Variants in NANOG observed in about 807,000 individuals in gnomAD.
NANOG encodes homeobox protein NANOG.
NANOG carries 2 observed loss-of-function variants against 17.7 expected under a neutral mutation model. That is an observed-to-expected ratio of 0.11 (90% CI 0.05 to 0.36). The LOEUF (loss-of-function observed/expected upper bound fraction) is 0.36. Among genes scored for constraint, NANOG ranks in the 10% least tolerant of loss-of-function variants. The pLI, the probability that NANOG is intolerant of heterozygous loss-of-function variation, is 1.00. For missense variants in NANOG, 174 were observed against 362.1 expected, an observed-to-expected ratio of 0.48 and a Z score of 4.22; for synonymous variants, 81 against 124.7, an observed-to-expected ratio of 0.65 and a Z score of 2.33.
intron 2 of NANOG, among the ~76,000 whole-genome samples, 159 bp from the exon 3 acceptor site, chr12:7,794,298 C>T (rs2120572669): frequency 6.6e-6 from 1 of 152,252 alleles, no homozygotes; most frequent in East Asian, 1.9e-4. Context: ...GTAGCGAACT[C>T]CTGGGCTCAA....
chr12:7,792,650 G>C (rs115487949), intron 1 of NANOG, among the ~76,000 whole-genome samples: 3,684 of 151,982 alleles, frequency 0.024, 130 homozygotes, highest in African/African-American at 0.083. Context: ...GGCAACAAGA[G>C]TGAACCTCCA....
At position 7,795,542 on chromosome 12, in the gene NANOG, C is replaced by CG. The variant is rs1565478224; in HGVS notation, c.*448dup. On this transcript the variant is annotated 3_prime_UTR_variant, in exon 4 of 4. Transcript: ENST00000229307. ...TTCACTGTGTTAGCCAGGATGGTCT[C>CG]GATCTCCTGACCTTGTGATCCACCC... The CG allele has an allele frequency of 1.2e-5, 1 of 86,334 alleles. No individual in the cohort carries two copies. Among genetic ancestry groups the CG allele is most frequent in the Admixed American group, 1.1e-4 (1 of 9,012 alleles). The allele number at this position is 86,334 out of a possible 1,614,324, so 5.3% of individuals were successfully genotyped here.
chr12:7,789,430 G>T lies in NANOG; in HGVS notation c.-185G>T. ...AATCTAGAGACTCCAGGATTTTAAC[G>T]TTCTGCTGGACTGAGCTGGTTGCCT... is the stretch of plus-strand genomic sequence containing the variant. On this transcript the variant is annotated 5_prime_UTR_variant, in exon 1 of 4. Transcript: ENST00000229307. The T allele has an allele frequency of 3.3e-6, 2 of 600,238 alleles. No individual in the cohort carries two copies. Among genetic ancestry groups the T allele is most frequent in the Non-Finnish European group, 5.9e-6 (2 of 339,588 alleles). 37.2% of individuals were successfully genotyped at this position (600,238 alleles called of 1,614,324 possible).
chr12:7,794,516 G>A lies in NANOG; in HGVS notation c.474G>A (p.Trp158Ter). 1 of 1,613,608 alleles carries A rather than the reference G, an allele frequency of 6.2e-7. No individual in the cohort carries two copies. Among genetic ancestry groups the A allele is most frequent in the Non-Finnish European group, 8.5e-7 (1 of 1,179,754 alleles). ...CTAAGAGGTGGCAGAAAAACAACTG[G>A]CCGAAGAATAGCAATGGTGTGACGC... The part of the protein sequence containing the change: ...MKSKRWQKNN[W>*]PKNSNGVTQK... Residue 158 changes from tryptophan to a stop codon, truncating the protein, a stop_gained, in exon 3 of 4, where the codon TGG becomes TGA. Transcript: ENST00000229307. LOFTEE classifies it low-confidence loss of function (END_TRUNC).
In NANOG at chr12:7,798,833, G is replaced by A. The variant is rs1862961720; in HGVS notation, c.*3738G>A. The A allele has an allele frequency of 1.9e-5, 2 of 107,552 alleles. No individual in the cohort carries two copies. Among genetic ancestry groups the A allele is most frequent in the South Asian group, 3.9e-4 (1 of 2,536 alleles). The allele number at this position is 107,552 out of a possible 1,614,324, so 6.7% of individuals were successfully genotyped here. ...GCAAACAACTGCCAGACAGAGGCAG[G>A]AAAGTGGGGGAGAGCCCTTGGTAAA... is the stretch of plus-strand genomic sequence containing the variant. On this transcript the variant is annotated 3_prime_UTR_variant, in exon 4 of 4. Transcript: ENST00000229307.
chr12:7,789,417 C>A lies in NANOG; in HGVS notation c.-198C>A. The A allele has an allele frequency of 6.8e-6, 4 of 591,362 alleles. 1 individual carries two copies. The South Asian group carries it at 8.4e-5, about 12-fold the overall frequency. 36.6% of individuals were successfully genotyped at this position (591,362 alleles called of 1,614,324 possible). ...AGCCTTCATTATAAATCTAGAGACTCCAGGATTTTAACGTTCTGCTGGACT... is the reference window on the plus strand; with the variant it reads ...AGCCTTCATTATAAATCTAGAGACTACAGGATTTTAACGTTCTGCTGGACT... On this transcript the variant is annotated 5_prime_UTR_variant, in exon 1 of 4. Transcript: ENST00000229307.
chr12:7,790,276 T>A (rs1862822028), intron 1 of NANOG, among the ~76,000 whole-genome samples: 1 of 152,384 alleles, frequency 6.6e-6, no homozygotes, highest in Admixed American at 6.5e-5. Context: ...CAGTAACGGC[T>A]GTCTCTTCTC....
In NANOG at chr12:7,793,500, T is replaced by C. The variant is rs114493334; in HGVS notation, c.414+288T>C. On this transcript the variant is annotated intron_variant, in intron 2 of 3. Transcript: ENST00000229307. ...TAAAAAAGAAGTATCTAACTCCACTTACCAGGGTAGGAGAAACCCTAACTC... is the reference window on the plus strand; with the variant it reads ...TAAAAAAGAAGTATCTAACTCCACTCACCAGGGTAGGAGAAACCCTAACTC... Among the ~76,000 whole-genome samples, 283 of 152,344 alleles carry C rather than the reference T, an allele frequency of 1.9e-3. 1 individual carries two copies. Among genetic ancestry groups the C allele is most frequent in the African/African-American group, 5.7e-3 (238 of 41,588 alleles).
At chr12:7,794,411 C>A (rs760716992) in intron 2 of NANOG, 46 bp from the exon 3 acceptor site, 2 of 1,507,918 alleles carry the variant, frequency 1.3e-6, no homozygotes, top group African/African-American at 1.4e-5. Context: ...TTCAAAGTAC[C>A]TCTGTATTAT....
intron 1 of NANOG, among the ~76,000 whole-genome samples, chr12:7,792,170 C>T (rs1230149776): frequency 1.3e-5 from 2 of 152,192 alleles, no homozygotes; most frequent in African/African-American, 2.4e-5. Context: ...GTTGGGATTA[C>T]AGGCATGAGC....
chr12:7,794,079 T>G (rs1214193897), intron 2 of NANOG, among the ~76,000 whole-genome samples: 1 of 152,058 alleles, frequency 6.6e-6, no homozygotes, highest in Non-Finnish European at 1.5e-5. Context: ...TGTTCATTTC[T>G]CTCTTTTTTT....
intron 1 of NANOG, among the ~76,000 whole-genome samples, chr12:7,790,905 G>A (rs1163356230): frequency 6.6e-6 from 1 of 151,924 alleles, no homozygotes; most frequent in Non-Finnish European, 1.5e-5. Flanking sequence ...ACTATGCCCA[G>A]CTAATTAAAA....
Position 7,789,747 on chromosome 12 carries a change from A to T in NANOG, c.133A>T (p.Met45Leu), listed in dbSNP as rs1438911722. 6.2e-7 allele frequency: 1 copy of T among 1,613,848 alleles called. No homozygotes were observed. The highest frequency in any genetic ancestry group is 1.3e-5 in the African/African-American group (1 of 74,940). ...ATCCTTGCAAATGTCTTCTGCTGAG[A>T]TGCCTCACACGGAGACTGGTAAGAA... Reference protein sequence around the residue: ...YPSLQMSSAEMPHTETVSPLP... With the variant: ...YPSLQMSSAELPHTETVSPLP... Residue 45 changes from methionine to leucine, a missense_variant, in exon 1 of 4, where the codon ATG becomes TTG. By Grantham distance (15) the Met-to-Leu change is conservative. Coordinates refer to ENST00000229307, the MANE Select transcript of NANOG (RefSeq NM_024865.4).
rs1456185546 is a variant in NANOG, at chr12:7,798,285, G to GAT, written c.*3192_*3193dup. 2 of 152,326 alleles carry GAT rather than the reference G, an allele frequency of 1.3e-5. No individual in the cohort carries two copies. The highest frequency in any genetic ancestry group is 1.9e-4 in the East Asian group (1 of 5,178). The allele number at this position is 152,326 out of a possible 1,614,324, so 9.4% of individuals were successfully genotyped here. A position where few individuals can be genotyped will look rare whatever the true frequency, so the allele number is the denominator to read the frequency against. On this transcript the variant is annotated 3_prime_UTR_variant, in exon 4 of 4. Coordinates refer to ENST00000229307, the MANE Select transcript of NANOG (RefSeq NM_024865.4). ...TCAGCTACTTGGAAGGCGGAGGCAGGATAATCACTTGAACCCGGGAGGTTG... is the reference window on the plus strand; with the variant it reads ...TCAGCTACTTGGAAGGCGGAGGCAGGATATAATCACTTGAACCCGGGAGGTTG...
rs1862937354 is a variant in NANOG, at chr12:7,796,762, GT to G, written c.*1671del. The G allele has an allele frequency of 1.4e-5, 1 of 72,416 alleles. No individual in the cohort carries two copies. The highest frequency in any genetic ancestry group is 3.3e-5 in the Non-Finnish European group (1 of 29,926). 4.5% of individuals were successfully genotyped at this position (72,416 alleles called of 1,614,324 possible). A position where few individuals can be genotyped will look rare whatever the true frequency, so the allele number is the denominator to read the frequency against. On this transcript the variant is annotated 3_prime_UTR_variant, in exon 4 of 4. Coordinates refer to ENST00000229307, the MANE Select transcript of NANOG (RefSeq NM_024865.4). ...GTCTAATTCCAAGTGTTTTTTTTTTGTTTTATTTTGTTTTTTTTTAAGACTG... is the reference window on the plus strand; with the variant it reads ...GTCTAATTCCAAGTGTTTTTTTTTTGTTTATTTTGTTTTTTTTTAAGACTG...
Position 7,794,884 on chromosome 12 carries a change from G to T in NANOG, c.707G>T (p.Trp236Leu), listed in dbSNP as rs2120574725. Reference sequence around the variant, plus strand: ...ACCCAATCCTGGAACAATCAGGCCTGGAACAGTCCCTTCTATAACTGTGGA... The same window carrying T: ...ACCCAATCCTGGAACAATCAGGCCTTGAACAGTCCCTTCTATAACTGTGGA... ...WCTQSWNNQA[W>L]NSPFYNCGEE... The change falls in exon 4 of 4, where the codon TGG (tryptophan) becomes TTG (leucine). Residue 236 changes from tryptophan to leucine, a missense_variant. Physicochemically the swap from Trp to Leu is moderately conservative, Grantham distance 61. This residue lies in a region of NANOG where 16 missense variants were observed against 117.9 expected (regional missense o/e 0.14). Transcript: ENST00000229307. The T allele has an allele frequency of 7.5e-7, 1 of 1,339,976 alleles. No homozygotes were observed. Among genetic ancestry groups the T allele is most frequent in the East Asian group, 2.3e-5 (1 of 44,014 alleles). The allele number at this position is 1,339,976 out of a possible 1,614,324, so 83.0% of individuals were successfully genotyped here. A position where few individuals can be genotyped will look rare whatever the true frequency, so the allele number is the denominator to read the frequency against.
Position 7,798,983 on chromosome 12 carries a change from A to G in NANOG, c.*3888A>G, listed in dbSNP as rs1294867144. On this transcript the variant is annotated 3_prime_UTR_variant, in exon 4 of 4. Coordinates refer to ENST00000229307, the MANE Select transcript of NANOG (RefSeq NM_024865.4). Reference sequence around the variant, plus strand: ...GCACAGGAAGTTAGTTCGACTAAGGATACCGAAATGTAGGAATTTGAATGG... The same window carrying G: ...GCACAGGAAGTTAGTTCGACTAAGGGTACCGAAATGTAGGAATTTGAATGG... The G allele has an allele frequency of 6.7e-6, 1 of 150,298 alleles. No individual in the cohort carries two copies. The highest frequency in any genetic ancestry group is 2.5e-5 in the African/African-American group (1 of 40,684). 9.3% of individuals were successfully genotyped at this position (150,298 alleles called of 1,614,324 possible). A position where few individuals can be genotyped will look rare whatever the true frequency, so the allele number is the denominator to read the frequency against.
chr12:7,794,747 T>C lies in NANOG; in HGVS notation c.570T>C (p.Thr190=), dbSNP rs774152838. The C allele has an allele frequency of 5.8e-6, 9 of 1,558,670 alleles. 1 individual carries two copies. The Admixed American group carries it at 9.2e-5, about 16-fold the overall frequency. Residue 190 remains threonine, a synonymous_variant, in exon 4 of 4, where the codon ACT becomes ACC. Transcript: ENST00000229307. ...ACCAGGGATGCCTGGTGAACCCGAC[T>C]GGGAACCTTCCAATGTGGAGCAACC... The part of the protein sequence containing the change: ...SYHQGCLVNP[T]GNLPMWSNQT...
At chr12:7,791,369 G>A (rs1862838665) in intron 1 of NANOG, among the ~76,000 whole-genome samples, 1 of 152,040 alleles carries the variant, frequency 6.6e-6, no homozygotes, top group Non-Finnish European at 1.5e-5. Context: ...CCTTGGCTGG[G>A]CACCGCGCCT....
Sources: allele counts gnomAD v4.1 joint callset (sites outside exome capture counted in the v4.1 genomes callset), GRCh38; gene constraint gnomAD v4.1.1; regional missense constraint gnomAD v4.1.1; transcripts MANE v1.5; gene names NCBI Gene and HGNC (gene_info 2026-07-23, HGNC 2026-07-21).